Variants in RFTN2 observed in about 807,000 individuals in gnomAD.
RFTN2 encodes raftlin family member 2.
A neutral mutation model predicts 52.7 loss-of-function variants in RFTN2; 34 were observed. The ratio of observed to expected loss-of-function variants is 0.64; its 90% CI spans 0.49 to 0.86. The LOEUF is 0.86. RFTN2 is among the 40% of genes least tolerant of loss of function. The probability of loss-of-function intolerance (pLI) is 0.00; values close to 1 mark genes in which losing one functional copy is unlikely to be tolerated. For synonymous variants in RFTN2, 203 were observed against 217.7 expected (o/e 0.93, Z 0.59); for missense variants, 536 against 600.1 (o/e 0.89, Z 1.12).
intron 3 of RFTN2, among the ~76,000 whole-genome samples, chr2:197,637,387 G>A (rs1261246059): frequency 6.6e-6 from 1 of 152,000 alleles, no homozygotes; most frequent in Admixed American, 6.6e-5. Flanking sequence ...TTTTTGGTTG[G>A]TAAGCTATTG....
At chr2:197,619,135 G>A (rs995522173) in intron 5 of RFTN2, among the ~76,000 whole-genome samples, 3 of 141,446 alleles carry the variant, frequency 2.1e-5, no homozygotes, top group African/African-American at 5.1e-5. Context: ...GGAGGGAGGT[G>A]GGGGGGGTCA....
Position 197,633,709 on chromosome 2 carries a change from G to T in RFTN2, c.718+9C>A. The T allele has an allele frequency of 6.2e-7, 1 of 1,609,556 alleles. No individual in the cohort carries two copies. The highest frequency in any genetic ancestry group is 8.5e-7 in the Non-Finnish European group (1 of 1,176,862). On this transcript the variant is annotated intron_variant, in intron 4 of 8. Coordinates refer to ENST00000295049, the MANE Select transcript of RFTN2 (RefSeq NM_144629.3). ...AGTATATTCTCTTTCTACTAATCTT[G>T]TCTATTACCTTCTCCCTTTCTTGAT...
chr2:197,596,029 T>G lies in RFTN2; in HGVS notation c.1195A>C (p.Arg399=), dbSNP rs2087790250. Reference sequence around the variant, plus strand: ...GCAGCTGAATTCCACATAACTGGCCTCTGAAGGAATACGATCTGCTTTGTA... The same window carrying G: ...GCAGCTGAATTCCACATAACTGGCCGCTGAAGGAATACGATCTGCTTTGTA... The part of the protein sequence containing the change: ...LATKQIVFLQ[R]PVMWNSAAQT... Residue 399 remains arginine (R), a synonymous_variant, in exon 8 of 9, where the codon AGG becomes CGG. Transcript: ENST00000295049. 1 of 1,612,592 alleles carries G rather than the reference T, an allele frequency of 6.2e-7. No individual in the cohort carries two copies. Among genetic ancestry groups the G allele is most frequent in the African/African-American group, 1.3e-5 (1 of 74,908 alleles).
At chr2:197,619,132 G>A (rs1400062069) in intron 5 of RFTN2, among the ~76,000 whole-genome samples, 1 of 150,780 alleles carries the variant, frequency 6.6e-6, no homozygotes. Flanking sequence ...CCGGGAGGGA[G>A]GTGGGGGGGG....
At chr2:197,655,706 C>G (rs1403309202) in intron 1 of RFTN2, among the ~76,000 whole-genome samples, 4 of 152,100 alleles carry the variant, frequency 2.6e-5, no homozygotes. Context: ...TGCCTGTAGT[C>G]CCAGCTACTC....
rs79647329 is a variant in RFTN2 at position 197,612,407 on chromosome 2, G to C, written c.1154+3469C>G. ...GCCCACACTCCAGAATTGGAGAGGG[G>C]AGCCATGCTGCTGTTTTGAGGTAGC... On this transcript the variant is annotated intron_variant, in intron 7 of 8. Transcript: ENST00000295049. Among the ~76,000 whole-genome samples, 269 of 152,252 alleles carry C rather than the reference G, an allele frequency of 1.8e-3. 3 individuals carry two copies. The highest frequency in any genetic ancestry group is 6.1e-3 in the African/African-American group (253 of 41,544).
At chr2:197,578,567 C>T (rs759277984) in intron 8 of RFTN2, among the ~76,000 whole-genome samples, 8 of 152,100 alleles carry the variant, frequency 5.3e-5, no homozygotes, top group Non-Finnish European at 1.2e-4. Flanking sequence ...CTACTGAGCA[C>T]CTTGTGACCC....
intron 8 of RFTN2, among the ~76,000 whole-genome samples, chr2:197,573,191 G>C (rs1156516539): frequency 6.6e-6 from 1 of 152,130 alleles, no homozygotes; most frequent in African/African-American, 2.4e-5. Context: ...CAGTTTGAAG[G>C]GCTCAGAAGA....
chr2:197,666,723 A>C (rs2106272591), intron 1 of RFTN2, among the ~76,000 whole-genome samples: 1 of 152,342 alleles, frequency 6.6e-6, no homozygotes, highest in East Asian at 1.9e-4. Context: ...TAGGTCTTCT[A>C]ACCCTTTCAT....
At chr2:197,663,548 A>G (rs1416190869) in intron 1 of RFTN2, among the ~76,000 whole-genome samples, 2 of 152,096 alleles carry the variant, frequency 1.3e-5, no homozygotes, top group East Asian at 1.9e-4. Context: ...TCCTGATGCA[A>G]TTTTGGTAGG....
chr2:197,600,113 C>G (rs2087857961), intron 7 of RFTN2, among the ~76,000 whole-genome samples: 1 of 152,138 alleles, frequency 6.6e-6, no homozygotes, highest in Admixed American at 6.5e-5. Context: ...CCTGCCTCGG[C>G]CTCCCAAAGT....
chr2:197,589,432 C>T (rs929822329), intron 8 of RFTN2, among the ~76,000 whole-genome samples: 4 of 152,118 alleles, frequency 2.6e-5, no homozygotes, highest in African/African-American at 2.4e-5. Context: ...TTATCAGCTG[C>T]GTGAAAACGG....
intron 1 of RFTN2, among the ~76,000 whole-genome samples, chr2:197,650,175 A>G (rs994151818): frequency 6.6e-6 from 1 of 152,086 alleles, no homozygotes; most frequent in African/African-American, 2.4e-5. Flanking sequence ...TTTTTAGTGT[A>G]CAGTTCAGTA....
At chr2:197,574,064 G>A (rs1004210545) in intron 8 of RFTN2, among the ~76,000 whole-genome samples, 79 of 152,214 alleles carry the variant, frequency 5.2e-4, no homozygotes, top group African/African-American at 1.8e-3. Flanking sequence ...GGAATTGTGG[G>A]GTGGAAACTC....
chr2:197,662,245 GTAGTTTTATAGT>G (rs2088987031), intron 1 of RFTN2, among the ~76,000 whole-genome samples: 1 of 152,000 alleles, frequency 6.6e-6, no homozygotes, highest in African/African-American at 2.4e-5. Flanking sequence ...TTTTTATCTA[GTAGTTTTATAGT>G]TTTGGGTCTT....
At chr2:197,580,967 C>A (rs1252940906) in intron 8 of RFTN2, among the ~76,000 whole-genome samples, 1 of 152,134 alleles carries the variant, frequency 6.6e-6, no homozygotes, top group Non-Finnish European at 1.5e-5. Flanking sequence ...CCCAAAACCT[C>A]CTTCGTGTCT....
At position 197,658,300 on chromosome 2, in the gene RFTN2, A is replaced by G. The variant is rs531479727; in HGVS notation, c.140-11634T>C. On this transcript the variant is annotated intron_variant, in intron 1 of 8. Transcript: ENST00000295049. ...GGATGTGTGACCCCTAAGCATGCAC[A>G]TAGTCTGCTGCCCAGGTTGGACTGC... Among the ~76,000 whole-genome samples the G allele has an allele frequency of 2.0e-5, 3 of 151,830 alleles. No homozygotes were observed. The East Asian group carries it at 5.8e-4, about 29-fold the overall frequency.
chr2:197,606,189 C>T (rs1016062475), intron 7 of RFTN2, among the ~76,000 whole-genome samples: 15 of 152,232 alleles, frequency 9.9e-5, no homozygotes, highest in African/African-American at 2.4e-4. Context: ...ATATCACTCC[C>T]GTTGAGAATA....
At position 197,638,991 on chromosome 2, in the gene RFTN2, A is replaced by G. The variant is rs1322940916; in HGVS notation, c.439-4994T>C. Among the ~76,000 whole-genome samples, 7 of 144,278 alleles carry G rather than the reference A, an allele frequency of 4.9e-5. No individual in the cohort carries two copies. In the East Asian group the frequency reaches 1.4e-3, roughly 29 times the overall value. The allele number at this position is 144,278 out of a possible 152,430, so 94.7% of individuals were successfully genotyped here. ...CTGTAAAGTATTTTATTTCTCCTTC[A>G]CTTATGAAGCTTAGTTTGGCTGGAT... is the stretch of plus-strand genomic sequence containing the variant. On this transcript the variant is annotated intron_variant, in intron 3 of 8. Transcript: ENST00000295049.
Sources: gnomAD v4.1 joint callset for allele counts (sites outside exome capture counted in the v4.1 genomes callset) on GRCh38, gnomAD v4.1.1 for gene constraint, MANE v1.5 for transcripts, NCBI Gene and HGNC (gene_info 2026-07-23, HGNC 2026-07-21) for gene names.